Variants in ZSCAN4 observed in about 807,000 individuals in gnomAD.
ZSCAN4 encodes zinc finger and SCAN domain-containing protein 4.
Under a neutral mutation model 18.3 loss-of-function variants are expected in ZSCAN4, and 18 were observed. The ratio of observed to expected loss-of-function variants is 0.98; its 90% confidence interval spans 0.68 to 1.46. The LOEUF is 1.46. Ranked by LOEUF, ZSCAN4 falls within the 40% of genes most tolerant of loss-of-function variation. The probability of loss-of-function intolerance (pLI) is 0.00; values close to 1 mark genes in which losing one functional copy is unlikely to be tolerated. For missense variants in ZSCAN4, 498 were observed against 511.4 expected (o/e 0.97, Z 0.25); for synonymous variants, 193 against 180.3 (o/e 1.07, Z -0.57).
chr19:57,672,131 A>G (rs1020419456), intron 2 of ZSCAN4, among the ~76,000 whole-genome samples: 2 of 152,238 alleles, frequency 1.3e-5, no homozygotes, highest in African/African-American at 2.4e-5. Context: ...ATCAATTTCA[A>G]GCAATGCAAA....
In ZSCAN4 at chr19:57,678,086, C is replaced by A; in HGVS notation, c.562+7C>A. The A allele has an allele frequency of 1.3e-6, 2 of 1,581,870 alleles. No individual in the cohort carries two copies. The highest frequency in any genetic ancestry group is 1.2e-5 in the South Asian group (1 of 84,568). On this transcript the variant is annotated splice_region_variant and intron_variant, in intron 4 of 4. Transcript: ENST00000318203. ...TCCTTAGAAACAGGACAAGGTAAGT[C>A]AGGTGAATCTGCACAACTGAGGAGT...
chr19:57,668,105 T>G (rs550377626), upstream of ZSCAN4, among the ~76,000 whole-genome samples: 2 of 152,158 alleles, frequency 1.3e-5, no homozygotes, highest in African/African-American at 4.8e-5. Flanking sequence ...GGTTTCATCA[T>G]GTTGGCCAGG....
intron 2 of ZSCAN4, among the ~76,000 whole-genome samples, chr19:57,671,798 T>C (rs1385324730): frequency 6.6e-6 from 1 of 152,216 alleles, no homozygotes; most frequent in Non-Finnish European, 1.5e-5. Flanking sequence ...TCTGCCTTAT[T>C]AACTGATGCG....
the ZSCAN4 span, among the ~76,000 whole-genome samples, chr19:57,656,270 A>T: frequency 6.6e-6 from 1 of 152,244 alleles, no homozygotes. Flanking sequence ...ACAACATCCC[A>T]TCACTGTTGT....
At position 57,677,809 on chromosome 19, in the gene ZSCAN4, C is replaced by G; in HGVS notation, c.397-105C>G. On this transcript the variant is annotated intron_variant, in intron 3 of 4. Transcript: ENST00000318203. ...GATGGTGGACAAAATATGTGATAGC[C>G]AATACTTGAGGGAGCTTGTGAGAGC... The G allele has an allele frequency of 2.9e-6, 3 of 1,035,014 alleles. No homozygotes were observed. In the Admixed American group the frequency reaches 8.8e-5, roughly 30 times the overall value. 64.1% of individuals were successfully genotyped at this position (1,035,014 alleles called of 1,614,324 possible). A position where few individuals can be genotyped will look rare whatever the true frequency, so the allele number is the denominator to read the frequency against.
At chr19:57,663,411 G>A in the ZSCAN4 span, among the ~76,000 whole-genome samples, 1 of 149,888 alleles carries the variant, frequency 6.7e-6, no homozygotes, top group Admixed American at 6.7e-5. Flanking sequence ...TAGGCTGGGG[G>A]CGAGTGGCTC....
chr19:57,666,153 G>A (rs898786287), upstream of ZSCAN4, among the ~76,000 whole-genome samples: 1 of 152,192 alleles, frequency 6.6e-6, no homozygotes, highest in African/African-American at 2.4e-5. Flanking sequence ...AGCAGCCGAT[G>A]CCTGCCATGG....
the ZSCAN4 span, among the ~76,000 whole-genome samples, chr19:57,654,705 C>T: frequency 6.6e-6 from 1 of 152,298 alleles, no homozygotes; most frequent in Non-Finnish European, 1.5e-5. Flanking sequence ...ATCCCCCCAC[C>T]TCCACCACTC....
At chr19:57,663,434 C>T in the ZSCAN4 span, among the ~76,000 whole-genome samples, 5 of 147,212 alleles carry the variant, frequency 3.4e-5, no homozygotes, top group Non-Finnish European at 7.5e-5. Flanking sequence ...GCCTGTAATC[C>T]CAGCACTTTG....
intron 2 of ZSCAN4, among the ~76,000 whole-genome samples, chr19:57,673,735 C>CTGATGATGA (rs571394865): frequency 6.6e-6 from 1 of 152,010 alleles, no homozygotes. Flanking sequence ...ACTTTATTTT[C>CTGATGATGA]TGATGATGAT....
intron 2 of ZSCAN4, among the ~76,000 whole-genome samples, chr19:57,673,749 GATTATTATT>G (rs201203110): frequency 2.6e-5 from 4 of 151,536 alleles, no homozygotes; most frequent in Non-Finnish European, 4.4e-5. Flanking sequence ...TGATGATGAT[GATTATTATT>G]ATTATTATTA....
exon 5 of ZSCAN4, chr19:57,678,408 G>A (rs1340830615): frequency 1.2e-6 from 2 of 1,614,002 alleles, no homozygotes; most frequent in South Asian, 2.2e-5. Context: ...TGTCCCTATG[G>A]TGATGGGAGC....
intron 2 of ZSCAN4, among the ~76,000 whole-genome samples, chr19:57,671,059 G>C (rs974054793): frequency 1.3e-5 from 2 of 151,952 alleles, no homozygotes; most frequent in Non-Finnish European, 2.9e-5. Flanking sequence ...GCAGGATTTT[G>C]CCATGTTGCC....
chr19:57,663,456 C>A, the ZSCAN4 span, among the ~76,000 whole-genome samples: 1 of 128,612 alleles, frequency 7.8e-6, no homozygotes, highest in Admixed American at 9.0e-5. Flanking sequence ...GAGGCCGAGG[C>A]GGGAGGATCA....
chr19:57,674,962 T>TG (rs1416858239), intron 2 of ZSCAN4, among the ~76,000 whole-genome samples: 7 of 149,912 alleles, frequency 4.7e-5, no homozygotes, highest in Admixed American at 1.3e-4. Context: ...TCAAGTTTTT[T>TG]TTTTTTTTTT....
At chr19:57,659,523 AGTGCTGGTATTGCAAGTG>A in the ZSCAN4 span, among the ~76,000 whole-genome samples, 1 of 152,166 alleles carries the variant, frequency 6.6e-6, no homozygotes, top group African/African-American at 2.4e-5. Flanking sequence ...TGCCTCCCAA[AGTGCTGGTATTGCAAGTG>A]GGAGCCGCTG....
At chr19:57,653,713 G>A in the ZSCAN4 span, among the ~76,000 whole-genome samples, 1 of 152,288 alleles carries the variant, frequency 6.6e-6, no homozygotes, top group East Asian at 1.9e-4. Context: ...GGTTCCCAAT[G>A]CATACAAAAA....
chr19:57,668,328 A>T (rs1185767330), upstream of ZSCAN4, among the ~76,000 whole-genome samples: 1 of 151,110 alleles, frequency 6.6e-6, no homozygotes, highest in Admixed American at 6.6e-5. Context: ...TTGGCTCTTG[A>T]TGGGAGCAGG....
At chr19:57,669,577 C>T (rs1983955170) in intron 1 of ZSCAN4, among the ~76,000 whole-genome samples, 1 of 152,000 alleles carries the variant, frequency 6.6e-6, no homozygotes, top group Non-Finnish European at 1.5e-5. Context: ...CAGGCACGCG[C>T]CACTACGCCT....
Sources: allele counts gnomAD v4.1 joint callset (sites outside exome capture counted in the v4.1 genomes callset), GRCh38; gene constraint gnomAD v4.1.1; transcripts MANE v1.5; gene names NCBI Gene and HGNC (gene_info 2026-07-23, HGNC 2026-07-21).